GLDC: variants seen among roughly 807,000 people sequenced by gnomAD.
The protein encoded by GLDC is glycine decarboxylase.
A neutral mutation model predicts 121.3 loss-of-function variants in GLDC; 104 were observed. The observed-to-expected ratio is 0.86, with a 90% CI of 0.73 to 1.01. The LOEUF (loss-of-function observed/expected upper bound fraction) is 1.01. GLDC is among the 50% of genes least tolerant of loss of function. The pLI, the probability that GLDC is intolerant of heterozygous loss-of-function variation, is 0.00. For synonymous variants in GLDC, 546 were observed against 480.6 expected (o/e 1.14, Z -1.78); for missense variants, 1,429 against 1,306.6 (o/e 1.09, Z -1.44).
chr9:6,561,400 G>A (rs1279447676), intron 16 of GLDC, among the ~76,000 whole-genome samples: 2 of 152,162 alleles, frequency 1.3e-5, no homozygotes, highest in East Asian at 3.8e-4. Context: ...TGTAATCCCA[G>A]CACTTTGGGA....
intron 15 of GLDC, among the ~76,000 whole-genome samples, chr9:6,570,908 A>G (rs533373735): frequency 6.6e-6 from 1 of 151,286 alleles, no homozygotes; most frequent in East Asian, 1.9e-4. Flanking sequence ...AAAATATTTT[A>G]TTACATTTAA....
rs386833557 is a variant in GLDC at position 6,553,411 on chromosome 9, C to T, written c.2414G>A (p.Trp805Ter). The change falls in exon 20 of 25, where the codon TGG (tryptophan) becomes TAG (stop). Residue 805 changes from tryptophan to a stop codon, truncating the protein, a stop_gained. Transcript: ENST00000321612. LOFTEE classifies it high-confidence loss of function. ...CPVGTVSAAP[W>*]GSSSILPISW... ...AATGGGCAAGATGGAACTGGAGCCC[C>T]ATGGGGCCGCACTGACGGTTCCCAC... is the stretch of plus-strand genomic sequence containing the variant. 1.2e-6 allele frequency: 2 copies of T among 1,613,984 alleles called. No homozygotes were observed. The highest frequency in any genetic ancestry group is 1.7e-6 in the Non-Finnish European group (2 of 1,179,846).
chr9:6,567,376 A>G (rs1183391794), intron 15 of GLDC: 2 of 152,192 alleles, frequency 1.3e-5, no homozygotes, highest in Admixed American at 6.5e-5. Context: ...TCACATCACA[A>G]GTAACTTCAT....
intron 21 of GLDC, among the ~76,000 whole-genome samples, chr9:6,543,848 C>A (rs1459706956): frequency 1.3e-5 from 2 of 151,202 alleles, no homozygotes; most frequent in African/African-American, 4.9e-5. Flanking sequence ...CTAACAGTGA[C>A]TACAGCTGAG....
intron 21 of GLDC, among the ~76,000 whole-genome samples, chr9:6,542,539 A>G (rs559226902): frequency 1.3e-5 from 2 of 152,148 alleles, no homozygotes; most frequent in African/African-American, 4.8e-5. Context: ...CGCCCAGGCA[A>G]AACATGCTTT....
At chr9:6,577,206 C>T (rs928204337) in intron 15 of GLDC, among the ~76,000 whole-genome samples, 1 of 152,232 alleles carries the variant, frequency 6.6e-6, no homozygotes, top group Non-Finnish European at 1.5e-5. Context: ...CTGAAAGTTA[C>T]ATTTCATTCT....
chr9:6,564,237 G>C (rs1482368898), intron 16 of GLDC, among the ~76,000 whole-genome samples: 1 of 145,626 alleles, frequency 6.9e-6, no homozygotes, highest in Non-Finnish European at 1.5e-5. Context: ...AACAGGGCGA[G>C]ACTCCATCTC....
At chr9:6,643,342 C>A (rs1587988850) in intron 2 of GLDC, among the ~76,000 whole-genome samples, 1 of 151,562 alleles carries the variant, frequency 6.6e-6, no homozygotes, top group East Asian at 1.9e-4. Context: ...TCAGCATAGC[C>A]TGAGCAGCCA....
rs747445550 is a variant in GLDC at position 6,550,910 on chromosome 9, A to G, written c.2462T>C (p.Met821Thr). The G allele has an allele frequency of 1.3e-6, 2 of 1,598,676 alleles. No homozygotes were observed. Among genetic ancestry groups the G allele is most frequent in the Non-Finnish European group, 1.7e-6 (2 of 1,166,084 alleles). The change falls in exon 21 of 25, where the codon ATG becomes ACG. Residue 821 changes from methionine to threonine, a missense_variant. By Grantham distance (81) the Met-to-Thr change is moderately conservative. Coordinates refer to ENST00000321612, the MANE Select transcript of GLDC (RefSeq NM_000170.3). ...GGCTTGTTTAAGACCCTTGCCTCCC[A>G]TCATCTGCAACAAAGGGAAAAAGAG... ...LPISWAYIKM[M>T]GGKGLKQATE...
chr9:6,643,206 G>T (rs1224799919), intron 2 of GLDC, among the ~76,000 whole-genome samples: 1 of 151,748 alleles, frequency 6.6e-6, no homozygotes, highest in Non-Finnish European at 1.5e-5. Flanking sequence ...CCAGGATTCT[G>T]ATTTTCTAAA....
intron 11 of GLDC, 138 bp from the exon 12 acceptor site, chr9:6,589,430 T>A (rs1334835978): frequency 2.7e-6 from 1 of 369,330 alleles, no homozygotes; most frequent in African/African-American, 2.2e-5. Flanking sequence ...TTTATTTATT[T>A]ATTTATTTAA....
intron 21 of GLDC, chr9:6,542,182 G>C (rs1236003826): frequency 6.6e-6 from 1 of 152,350 alleles, no homozygotes; most frequent in African/African-American, 2.4e-5. Flanking sequence ...GGAGGTTGCA[G>C]TGAGCGAAGA....
intron 22 of GLDC, among the ~76,000 whole-genome samples, chr9:6,539,301 A>G (rs1817202905): frequency 6.6e-6 from 1 of 152,056 alleles, no homozygotes; most frequent in African/African-American, 2.4e-5. Context: ...AACATGGTGA[A>G]ACCCCATCTC....
chr9:6,534,198 A>G lies in GLDC; in HGVS notation c.2919+510T>C, dbSNP rs867599864. 1.2e-3 allele frequency: 191 copies of G among 159,946 alleles called. 1 individual carries two copies. Among genetic ancestry groups the G allele is most frequent in the African/African-American group, 3.9e-3 (160 of 41,156 alleles). The allele number at this position is 159,946 out of a possible 1,614,324, so 9.9% of individuals were successfully genotyped here. On this transcript the variant is annotated intron_variant, in intron 24 of 24. Transcript: ENST00000321612. ...ACTCCGTCTCAAAAAAAAAAAAAAA[A>G]AAAGAAAGAAAAAAAAAGCATCATT...
Position 6,588,824 on chromosome 9 carries a change from C to T in GLDC, c.1581-122G>A, listed in dbSNP as rs1282469728. The T allele has an allele frequency of 6.8e-6, 5 of 732,700 alleles. No individual in the cohort carries two copies. In the African/African-American group the frequency reaches 6.9e-5, roughly 10 times the overall value. The allele number at this position is 732,700 out of a possible 1,614,324, so 45.4% of individuals were successfully genotyped here. A position where few individuals can be genotyped will look rare whatever the true frequency, so the allele number is the denominator to read the frequency against. On this transcript the variant is annotated intron_variant, in intron 12 of 24. Coordinates refer to ENST00000321612, the MANE Select transcript of GLDC (RefSeq NM_000170.3). ...AATGCAGATCAATTTTGGCCACGGA[C>T]AATATGTCAACTACACTCAGAGAGA...
chr9:6,545,363 G>A (rs1012593692), intron 21 of GLDC, among the ~76,000 whole-genome samples: 2 of 152,088 alleles, frequency 1.3e-5, no homozygotes, highest in African/African-American at 2.4e-5. Flanking sequence ...ACAATGGTCC[G>A]AATCTGTGTA....
intron 7 of GLDC, among the ~76,000 whole-genome samples, chr9:6,604,178 C>A (rs980535462): frequency 6.6e-6 from 1 of 152,096 alleles, no homozygotes; most frequent in African/African-American, 2.4e-5. Context: ...GTGGCGGAAG[C>A]CTCTAGGAAG....
chr9:6,565,016 G>T (rs984735256), intron 16 of GLDC, among the ~76,000 whole-genome samples: 7 of 152,196 alleles, frequency 4.6e-5, no homozygotes, highest in African/African-American at 9.6e-5. Flanking sequence ...CAGGCCCAGG[G>T]CCGGGGCTGA....
intron 5 of GLDC, among the ~76,000 whole-genome samples, chr9:6,605,672 A>G (rs1371144322): frequency 6.6e-6 from 1 of 152,246 alleles, no homozygotes; most frequent in Non-Finnish European, 1.5e-5. Flanking sequence ...GAACTTCCTT[A>G]GATTCCTGAA....
Sources: allele counts gnomAD v4.1 joint callset (sites outside exome capture counted in the v4.1 genomes callset), GRCh38; gene constraint gnomAD v4.1.1; transcripts MANE v1.5; gene names NCBI Gene and HGNC (gene_info 2026-07-23, HGNC 2026-07-21).